The following FRMD4A variants were observed in gnomAD, a reference collection of about 807,000 sequenced individuals.
FRMD4A encodes the protein FERM domain containing 4A.
Under a neutral mutation model 129.1 loss-of-function variants are expected in FRMD4A, and 29 were observed. The observed-to-expected ratio is 0.22, with a 90% CI of 0.17 to 0.31. The LOEUF (loss-of-function observed/expected upper bound fraction) is 0.31. Among genes scored for constraint, FRMD4A ranks in the 10% least tolerant of loss-of-function variants. The pLI is 1.00. For missense variants in FRMD4A, 1,272 were observed against 1,375.8 expected, an observed-to-expected ratio of 0.92 and a Z score of 1.19; for synonymous variants, 634 against 571.6, an observed-to-expected ratio of 1.11 and a Z score of -1.56.
intron 2 of FRMD4A, among the ~76,000 whole-genome samples, chr10:14,137,975 A>G (rs2400037): frequency 0.53 from 80,350 of 152,028 alleles, 21,797 homozygotes; most frequent in East Asian, 0.77. Context: ...CACCCTGCCA[A>G]TAAGCAAGTG....
At chr10:13,829,087 G>A (rs1388686060) in intron 3 of FRMD4A, among the ~76,000 whole-genome samples, 4 of 152,322 alleles carry the variant, frequency 2.6e-5, no homozygotes, top group Non-Finnish European at 4.4e-5. Flanking sequence ...CAGTGTATAA[G>A]CATTCCCCTT....
chr10:13,693,519 T>C (rs1029370432), intron 15 of FRMD4A: 235 of 1,176,646 alleles, frequency 2.0e-4, no homozygotes, highest in Non-Finnish European at 2.4e-4. Flanking sequence ...CACCAGATCC[T>C]GAAATTCACA....
chr10:13,673,443 G>A (rs1589304106), intron 16 of FRMD4A, among the ~76,000 whole-genome samples: 1 of 152,166 alleles, frequency 6.6e-6, no homozygotes, highest in Admixed American at 6.5e-5. Flanking sequence ...CTTACTTTGG[G>A]AACCTCTTTT....
chr10:13,957,016 A>G (rs996676986), intron 2 of FRMD4A, among the ~76,000 whole-genome samples: 1 of 152,218 alleles, frequency 6.6e-6, no homozygotes, highest in Non-Finnish European at 1.5e-5. Flanking sequence ...TGTCCAGAAC[A>G]TTCTTGCTAA....
chr10:14,232,337 T>C (rs568532604), intron 2 of FRMD4A, among the ~76,000 whole-genome samples: 8 of 152,298 alleles, frequency 5.3e-5, no homozygotes, highest in African/African-American at 1.7e-4. Flanking sequence ...CTGTAGCCCT[T>C]CAGTATAGTT....
intron 2 of FRMD4A, among the ~76,000 whole-genome samples, chr10:14,232,969 TAG>T (rs1843685660): frequency 6.6e-6 from 1 of 152,102 alleles, no homozygotes; most frequent in African/African-American, 2.4e-5. Context: ...GTTCTACAGA[TAG>T]AGTTGTAGAG....
intron 2 of FRMD4A, among the ~76,000 whole-genome samples, chr10:14,048,900 TAGAAA>T (rs1834123782): frequency 9.5e-6 from 1 of 105,416 alleles, no homozygotes; most frequent in Non-Finnish European, 1.9e-5. Context: ...TAGAATAGAA[TAGAAA>T]ATAAAATGAA....
At chr10:13,663,976 T>A (rs2082829056) in intron 18 of FRMD4A, among the ~76,000 whole-genome samples, 1 of 152,210 alleles carries the variant, frequency 6.6e-6, no homozygotes, top group Non-Finnish European at 1.5e-5. Context: ...TTGTAAGTCA[T>A]TAGTAGAGAA....
chr10:14,208,990 G>C (rs999038781), intron 2 of FRMD4A, among the ~76,000 whole-genome samples: 1 of 152,174 alleles, frequency 6.6e-6, no homozygotes, highest in Admixed American at 6.5e-5. Context: ...CCGTGGTAGG[G>C]AGGCTGTGGG....
At chr10:13,649,412 C>T (rs183454039) in intron 24 of FRMD4A, 1 of 152,196 alleles carries the variant, frequency 6.6e-6, no homozygotes, top group Non-Finnish European at 1.5e-5. Flanking sequence ...GGTCACAGAA[C>T]CCACATATGA....
chr10:13,657,606 G>A (rs1309559846), intron 21 of FRMD4A, 84 bp from the exon 22 acceptor site: 1 of 1,443,446 alleles, frequency 6.9e-7, no homozygotes, highest in Non-Finnish European at 9.1e-7. Flanking sequence ...GTCCTGAGGA[G>A]GGCACTGGGT....
Position 13,755,645 on chromosome 10 carries a change from T to C in FRMD4A, c.464+6002A>G, listed in dbSNP as rs770676653. ...GACTGCTACTATTTGTTTCCATTGA[T>C]TGGGTGATGCATTGTTCTGTTTCTA... On this transcript the variant is annotated intron_variant, in intron 8 of 24. Coordinates refer to ENST00000357447, the MANE Select transcript of FRMD4A (RefSeq NM_018027.5). Among the ~76,000 whole-genome samples, 6 of 152,338 alleles carry C rather than the reference T, an allele frequency of 3.9e-5. No individual in the cohort carries two copies. The South Asian group carries it at 1.2e-3, about 32-fold the overall frequency.
intron 8 of FRMD4A, among the ~76,000 whole-genome samples, chr10:13,760,186 T>C (rs903286287): frequency 1.3e-5 from 2 of 151,450 alleles, no homozygotes; most frequent in African/African-American, 4.8e-5. Context: ...GGAAGAGTTG[T>C]GTAATTGAAA....
At chr10:14,015,893 C>T (rs974848188) in intron 2 of FRMD4A, among the ~76,000 whole-genome samples, 9 of 152,192 alleles carry the variant, frequency 5.9e-5, no homozygotes, top group Admixed American at 5.9e-4. Context: ...GACAAAAGGA[C>T]TGAGGTACAG....
intron 2 of FRMD4A, among the ~76,000 whole-genome samples, chr10:14,204,759 C>T (rs530820326): frequency 1.8e-4 from 28 of 152,292 alleles, no homozygotes; most frequent in African/African-American, 6.5e-4. Context: ...ATTCAAGCAT[C>T]TCCCTCACAT....
At chr10:13,683,948 G>C (rs2084850421) in intron 15 of FRMD4A, 1 of 152,078 alleles carries the variant, frequency 6.6e-6, no homozygotes, top group South Asian at 2.1e-4. Context: ...GACCTCAAGT[G>C]ATCTGCCCGC....
chr10:13,795,651 C>T (rs1358443254), intron 5 of FRMD4A, among the ~76,000 whole-genome samples: 1 of 152,164 alleles, frequency 6.6e-6, no homozygotes, highest in Non-Finnish European at 1.5e-5. Flanking sequence ...ACTGAGGCAT[C>T]AGCACTTAAT....
At chr10:14,315,168 T>C (rs1389068862) in intron 2 of FRMD4A, among the ~76,000 whole-genome samples, 1 of 152,044 alleles carries the variant, frequency 6.6e-6, no homozygotes, top group Non-Finnish European at 1.5e-5. Context: ...TCCCGGCTCT[T>C]CTCTGTCTAT....
chr10:13,728,570 A>ATTTTTTTTTTTTTTTTTTTTTTT (rs1386167455), intron 12 of FRMD4A, among the ~76,000 whole-genome samples: 1 of 28,664 alleles, frequency 3.5e-5, no homozygotes, highest in Non-Finnish European at 8.4e-5. Context: ...GGTGATTACC[A>ATTTTTTTTTTTTTTTTTTTTTTT]TTCTTTTTTT....
Sources: gnomAD v4.1 joint callset for allele counts (sites outside exome capture counted in the v4.1 genomes callset) on GRCh38, gnomAD v4.1.1 for gene constraint, MANE v1.5 for transcripts, NCBI Gene and HGNC (gene_info 2026-07-23, HGNC 2026-07-21) for gene names.